The following IQCM variants were observed in gnomAD, a reference collection of about 807,000 sequenced individuals.
The protein encoded by IQCM is IQ motif containing M.
IQCM carries 45 observed loss-of-function variants against 57.6 expected under a neutral mutation model. The observed-to-expected ratio is 0.78, with a 90% confidence interval of 0.62 to 1.00. The LOEUF (loss-of-function observed/expected upper bound fraction) is 1.00. Among genes scored for constraint, IQCM ranks in the 50% least tolerant of loss-of-function variants. The pLI, the probability that IQCM is intolerant of heterozygous loss-of-function variation, is 0.00. For synonymous variants in IQCM, 148 were observed against 158.9 expected (o/e 0.93, Z 0.51); for missense variants, 468 against 511.6 (o/e 0.91, Z 0.82).
chr4:149,353,946 A>T (rs528871850), intron 13 of IQCM, among the ~76,000 whole-genome samples: 2 of 152,316 alleles, frequency 1.3e-5, no homozygotes, highest in African/African-American at 4.8e-5. Context: ...CAAAAACAAA[A>T]TAAACGGGAA....
At chr4:149,638,659 G>A (rs1757923591) in intron 7 of IQCM, among the ~76,000 whole-genome samples, 1 of 152,152 alleles carries the variant, frequency 6.6e-6, no homozygotes, top group East Asian at 1.9e-4. Flanking sequence ...TATACGTACT[G>A]TAGGATTTCA....
Position 149,697,500 on chromosome 4 carries a change from G to A in IQCM, c.386-11032C>T, listed in dbSNP as rs72957454. On this transcript the variant is annotated intron_variant, in intron 5 of 13. Transcript: ENST00000636793. ...GTCTGGTAGCCTGAAATCAGCCAGGGTGAGAATATTTATACCCTGGGAGTC... is the reference window on the plus strand; with the variant it reads ...GTCTGGTAGCCTGAAATCAGCCAGGATGAGAATATTTATACCCTGGGAGTC... Among the ~76,000 whole-genome samples, 432 of 152,180 alleles carry A rather than the reference G, an allele frequency of 2.8e-3. 2 individuals are homozygous for A. The highest frequency in any genetic ancestry group is 9.8e-3 in the African/African-American group (408 of 41,532).
At chr4:149,479,363 G>A (rs1740536113) in intron 12 of IQCM, among the ~76,000 whole-genome samples, 1 of 152,100 alleles carries the variant, frequency 6.6e-6, no homozygotes, top group African/African-American at 2.4e-5. Context: ...TAATATTTGG[G>A]CATACCCCTT....
intron 12 of IQCM, among the ~76,000 whole-genome samples, chr4:149,488,547 G>T (rs755242651): frequency 6.6e-6 from 1 of 151,984 alleles, no homozygotes; most frequent in Non-Finnish European, 1.5e-5. Context: ...CAGATAGATC[G>T]CTGTCATAAC....
chr4:149,653,475 G>A (rs951935013), intron 7 of IQCM, among the ~76,000 whole-genome samples: 5 of 151,608 alleles, frequency 3.3e-5, no homozygotes, highest in African/African-American at 1.2e-4. Flanking sequence ...GTGTGTGTGT[G>A]CACATTTTAT....
intron 12 of IQCM, among the ~76,000 whole-genome samples, chr4:149,522,251 T>C (rs974384032): frequency 6.6e-6 from 1 of 152,146 alleles, no homozygotes; most frequent in African/African-American, 2.4e-5. Context: ...ACCCCACCAC[T>C]ATCCAGATTG....
chr4:149,800,487 C>A (rs993184020), intron 2 of IQCM, among the ~76,000 whole-genome samples: 6 of 151,850 alleles, frequency 4.0e-5, no homozygotes, highest in Non-Finnish European at 5.9e-5. Flanking sequence ...ACTGGAAGTC[C>A]TAGCTAGAGC....
chr4:149,724,677 T>C (rs1045152339), intron 5 of IQCM, among the ~76,000 whole-genome samples: 4 of 152,038 alleles, frequency 2.6e-5, no homozygotes, highest in South Asian at 2.1e-4. Context: ...GTGCATGACA[T>C]GGATGTAATG....
chr4:149,382,305 C>T (rs1023482762), intron 13 of IQCM, among the ~76,000 whole-genome samples: 2 of 152,064 alleles, frequency 1.3e-5, no homozygotes, highest in Non-Finnish European at 2.9e-5. Context: ...CTGAATTATA[C>T]AAACTATTTG....
intron 13 of IQCM, among the ~76,000 whole-genome samples, chr4:149,417,692 T>C (rs1733841703): frequency 6.6e-6 from 1 of 152,070 alleles, no homozygotes; most frequent in African/African-American, 2.4e-5. Context: ...GAGTCATCCC[T>C]CTCTGTTATG....
chr4:149,604,674 A>T (rs1341841679), intron 8 of IQCM, among the ~76,000 whole-genome samples: 1 of 152,226 alleles, frequency 6.6e-6, no homozygotes, highest in Non-Finnish European at 1.5e-5. Context: ...CAAGCTAATT[A>T]GTGCTAAACC....
chr4:149,371,944 G>A (rs377610857), intron 13 of IQCM, among the ~76,000 whole-genome samples: 1 of 151,984 alleles, frequency 6.6e-6, no homozygotes, highest in East Asian at 1.9e-4. Flanking sequence ...TACTTCTCAT[G>A]AATTTCTCAA....
chr4:149,764,392 A>G (rs2149971730), intron 2 of IQCM, among the ~76,000 whole-genome samples: 1 of 152,298 alleles, frequency 6.6e-6, no homozygotes, highest in Non-Finnish European at 1.5e-5. Flanking sequence ...TATTCTTCTG[A>G]GAGCAGCTAC....
intron 13 of IQCM, among the ~76,000 whole-genome samples, chr4:149,374,122 T>G (rs1220191063): frequency 6.6e-6 from 1 of 152,178 alleles, no homozygotes; most frequent in Admixed American, 6.6e-5. Flanking sequence ...GTTCTTGAAT[T>G]CAAAACTCCA....
At chr4:149,497,084 G>C (rs1394030) in intron 12 of IQCM, among the ~76,000 whole-genome samples, 19 of 152,106 alleles carry the variant, frequency 1.2e-4, no homozygotes, top group Non-Finnish European at 1.5e-5. Flanking sequence ...ATGGAATTTC[G>C]CCCTCTGTCT....
chr4:149,722,819 T>C (rs912779891), intron 5 of IQCM, among the ~76,000 whole-genome samples: 5 of 151,994 alleles, frequency 3.3e-5, no homozygotes, highest in Non-Finnish European at 5.9e-5. Flanking sequence ...TCTCTAATTC[T>C]GTGGGAAAAA....
intron 13 of IQCM, among the ~76,000 whole-genome samples, chr4:149,409,943 T>G (rs924793220): frequency 2.0e-5 from 3 of 152,188 alleles, no homozygotes; most frequent in Non-Finnish European, 4.4e-5. Flanking sequence ...CCCAGCACTT[T>G]GGCAGGCCAA....
intron 2 of IQCM, among the ~76,000 whole-genome samples, chr4:149,798,211 C>A (rs1158777495): frequency 2.0e-5 from 3 of 151,916 alleles, no homozygotes; most frequent in African/African-American, 7.2e-5. Context: ...AAAGTTAAGG[C>A]ATAGTGTTTT....
Position 149,438,387 on chromosome 4 carries a change from G to A in IQCM, c.1229-4830C>T, listed in dbSNP as rs568335723. On this transcript the variant is annotated intron_variant, in intron 12 of 13. Coordinates refer to ENST00000636793, the MANE Select transcript of IQCM (RefSeq NM_001363507.2). ...TTAAATTGCTAATGCATCCTTCATG[G>A]ACTACTAGCCAATACTGTGAAGTTT... Among the ~76,000 whole-genome samples, 74 of 152,028 alleles carry A rather than the reference G, an allele frequency of 4.9e-4. 1 individual carries two copies. In the South Asian group the frequency reaches 0.015, roughly 31 times the overall value.
Sources: gnomAD v4.1 joint callset for allele counts (sites outside exome capture counted in the v4.1 genomes callset) on GRCh38, gnomAD v4.1.1 for gene constraint, MANE v1.5 for transcripts, NCBI Gene and HGNC (gene_info 2026-07-23, HGNC 2026-07-21) for gene names.